PPM1L: variants seen among roughly 807,000 people sequenced by gnomAD.
PPM1L encodes the protein protein phosphatase, Mg2+/Mn2+ dependent 1L, also known as protein phosphatase 1L.
In PPM1L, 13 loss-of-function variants were observed where a neutral mutation model predicts 31.4. The observed-to-expected ratio is 0.41, with a 90% CI of 0.27 to 0.66. The LOEUF (loss-of-function observed/expected upper bound fraction) is 0.66, where lower values mean the gene tolerates loss of function less well. Ranked by LOEUF, PPM1L falls within the 30% of genes least tolerant of loss-of-function variation. The probability of loss-of-function intolerance (pLI) is 0.29; values close to 1 mark genes in which losing one functional copy is unlikely to be tolerated. For synonymous variants in PPM1L, 184 were observed against 175.4 expected, an observed-to-expected ratio of 1.05 and a Z score of -0.39; for missense variants, 326 against 453.7, an observed-to-expected ratio of 0.72 and a Z score of 2.56.
chr3:160,760,446 C>T (rs557693396), intron 1 of PPM1L, among the ~76,000 whole-genome samples: 2 of 152,186 alleles, frequency 1.3e-5, no homozygotes, highest in Admixed American at 1.3e-4. Context: ...TTTTAAAGAG[C>T]CTTATCTCAG....
chr3:160,761,669 A>G (rs1297120863), intron 1 of PPM1L, among the ~76,000 whole-genome samples: 2 of 152,048 alleles, frequency 1.3e-5, no homozygotes, highest in African/African-American at 4.8e-5. Flanking sequence ...CCTTTATCCC[A>G]TTTGTATTAG....
At chr3:160,864,075 C>A (rs1712000009) in intron 1 of PPM1L, among the ~76,000 whole-genome samples, 1 of 152,190 alleles carries the variant, frequency 6.6e-6, no homozygotes, top group African/African-American at 2.4e-5. Flanking sequence ...AGATTTGTTA[C>A]CACTCCGTAT....
chr3:160,800,035 A>C (rs983502928), intron 1 of PPM1L, among the ~76,000 whole-genome samples: 1 of 152,212 alleles, frequency 6.6e-6, no homozygotes, highest in Admixed American at 6.5e-5. Flanking sequence ...TGTTAAATGC[A>C]TGAATAAAGG....
chr3:161,053,906 T>C (rs1331960200), intron 2 of PPM1L, among the ~76,000 whole-genome samples: 2 of 152,264 alleles, frequency 1.3e-5, no homozygotes, highest in Admixed American at 6.5e-5. Context: ...ATAGTTGATA[T>C]GTTTGCTTAT....
Position 160,786,127 on chromosome 3 carries a change from TTCTCTCTCTCTCTC to T in PPM1L, c.399+29438_399+29451del, listed in dbSNP as rs147384969. On this transcript the variant is annotated intron_variant, in intron 1 of 3. Transcript: ENST00000498165. ...GTTGGATAAAGATGGAATCTCATTTTTCTCTCTCTCTCTCTCTCTCTCTCTCTCTCTGTGTGTGT... is the reference window on the plus strand; with the variant it reads ...GTTGGATAAAGATGGAATCTCATTTTTCTCTCTCTCTCTCTCTGTGTGTGT... Among the ~76,000 whole-genome samples the T allele has an allele frequency of 7.7e-5, 8 of 103,990 alleles. No homozygotes were observed. In the South Asian group the frequency reaches 9.3e-4, roughly 12 times the overall value. The allele number at this position is 103,990 out of a possible 152,430, so 68.2% of individuals were successfully genotyped here.
rs139257811 is a variant in PPM1L at position 160,884,031 on chromosome 3, C to T, written c.400-77705C>T. On this transcript the variant is annotated intron_variant, in intron 1 of 3. Coordinates refer to ENST00000498165, the MANE Select transcript of PPM1L (RefSeq NM_139245.4). Reference sequence around the variant, plus strand: ...ACTGCCACGAGCTGTGATTGAGCCACTGCACTCCAGCCTGGGAGACAGAGT... The same window carrying T: ...ACTGCCACGAGCTGTGATTGAGCCATTGCACTCCAGCCTGGGAGACAGAGT... Among the ~76,000 whole-genome samples the T allele has an allele frequency of 6.8e-3, 1,038 of 152,018 alleles. 7 individuals carry two copies. The highest frequency in any genetic ancestry group is 9.0e-3 in the Non-Finnish European group (609 of 67,974).
chr3:160,922,061 A>G (rs1714424115), intron 1 of PPM1L, among the ~76,000 whole-genome samples: 1 of 152,212 alleles, frequency 6.6e-6, no homozygotes, highest in Non-Finnish European at 1.5e-5. Context: ...CTGTAATCCC[A>G]GCACTTTGGG....
intron 1 of PPM1L, among the ~76,000 whole-genome samples, chr3:160,851,389 C>A (rs766958522): frequency 1.3e-5 from 2 of 152,122 alleles, no homozygotes; most frequent in Non-Finnish European, 2.9e-5. Context: ...TGAGGCCAAA[C>A]TATGTTGAAA....
At chr3:160,973,778 T>G (rs1424703708) in intron 2 of PPM1L, among the ~76,000 whole-genome samples, 1 of 47,868 alleles carries the variant, frequency 2.1e-5, no homozygotes, top group Non-Finnish European at 3.8e-5. Flanking sequence ...TTTTTTTTTT[T>G]TTTTTTTTTT....
Position 160,756,856 on chromosome 3 carries a change from C to T in PPM1L, c.399+149C>T, listed in dbSNP as rs1714823449. ...GGGTGCGAGGGGCGTGGTGATGACACCACGGTGCCTGGCTGGACAAATGCG... is the reference window on the plus strand; with the variant it reads ...GGGTGCGAGGGGCGTGGTGATGACATCACGGTGCCTGGCTGGACAAATGCG... On this transcript the variant is annotated intron_variant, in intron 1 of 3. Transcript: ENST00000498165. This position sits in a 1 kb window ranked among gnomAD's most constrained non-coding sequence, Gnocchi z 6.2. 1 of 879,840 alleles carries T rather than the reference C, an allele frequency of 1.1e-6. No individual in the cohort carries two copies. Among genetic ancestry groups the T allele is most frequent in the Non-Finnish European group, 1.7e-6 (1 of 590,570 alleles). 54.5% of individuals were successfully genotyped at this position (879,840 alleles called of 1,614,324 possible). A position where few individuals can be genotyped will look rare whatever the true frequency, so the allele number is the denominator to read the frequency against.
intron 3 of PPM1L, among the ~76,000 whole-genome samples, chr3:161,066,961 G>A (rs996747020): frequency 6.6e-6 from 1 of 152,188 alleles, no homozygotes; most frequent in Non-Finnish European, 1.5e-5. Context: ...CAGGTTTTCT[G>A]TTGATGGGAT....
intron 2 of PPM1L, chr3:161,022,406 TCAAA>T (rs1165440929): frequency 2.8e-6 from 1 of 363,616 alleles, no homozygotes; most frequent in Non-Finnish European, 4.9e-6. Context: ...ACAAATAAGA[TCAAA>T]TTAGAACAAA....
At chr3:160,864,215 C>T (rs1034167650) in intron 1 of PPM1L, among the ~76,000 whole-genome samples, 4 of 152,286 alleles carry the variant, frequency 2.6e-5, no homozygotes, top group African/African-American at 9.6e-5. Context: ...CAGGGTATCA[C>T]TCTGTCACCC....
intron 1 of PPM1L, among the ~76,000 whole-genome samples, chr3:160,909,182 A>G (rs1274465237): frequency 6.6e-6 from 1 of 152,212 alleles, no homozygotes; most frequent in Non-Finnish European, 1.5e-5. Context: ...TCAAGATGGA[A>G]GAGAATGGGG....
chr3:160,931,484 T>G (rs1345156), intron 1 of PPM1L, among the ~76,000 whole-genome samples: 44,441 of 152,140 alleles, frequency 0.29, 6,649 homozygotes, highest in East Asian at 0.41. Flanking sequence ...AGTGGTGAAA[T>G]AGAGTTTGCT....
At chr3:160,793,110 A>G (rs897631833) in intron 1 of PPM1L, among the ~76,000 whole-genome samples, 4 of 152,172 alleles carry the variant, frequency 2.6e-5, no homozygotes, top group African/African-American at 9.7e-5. Flanking sequence ...AGTGTTTGTC[A>G]GGTTTCTCAC....
At chr3:160,843,426 T>TATATATATATA (rs1713958611) in intron 1 of PPM1L, among the ~76,000 whole-genome samples, 3 of 47,534 alleles carry the variant, frequency 6.3e-5, no homozygotes, top group South Asian at 1.0e-3. Flanking sequence ...GGCAATTCTT[T>TATATATATATA]TATATATATA....
chr3:160,974,032 C>CCA (rs1716462669), intron 2 of PPM1L, among the ~76,000 whole-genome samples: 1 of 85,456 alleles, frequency 1.2e-5, no homozygotes, highest in Admixed American at 1.4e-4. Flanking sequence ...TCCCCCCACC[C>CCA]CACCACAGTC....
chr3:160,814,494 CACAT>C (rs202112993), intron 1 of PPM1L, among the ~76,000 whole-genome samples: 2,392 of 144,558 alleles, frequency 0.017, 51 homozygotes, highest in African/African-American at 0.061. Context: ...CACACACACA[CACAT>C]ATATGTATGT....
Sources: gnomAD v4.1 joint callset for allele counts (sites outside exome capture counted in the v4.1 genomes callset) on GRCh38, gnomAD v4.1.1 for gene constraint, Gnocchi (gnomAD v3.1) non-coding constraint, MANE v1.5 for transcripts, NCBI Gene and HGNC (gene_info 2026-07-23, HGNC 2026-07-21) for gene names.